The following CAST variants were observed in gnomAD, a reference collection of about 807,000 sequenced individuals.
CAST encodes the protein calpastatin.
CAST carries 76 observed loss-of-function variants against 119.6 expected under a neutral mutation model. The observed-to-expected ratio is 0.64, with a 90% CI of 0.53 to 0.77. The LOEUF (loss-of-function observed/expected upper bound fraction) is 0.77. Ranked by LOEUF, CAST falls within the 30% of genes least tolerant of loss-of-function variation. The pLI, the probability that CAST is intolerant of heterozygous loss-of-function variation, is 0.00. For synonymous variants in CAST, 319 were observed against 331.6 expected (o/e 0.96, Z 0.41); for missense variants, 953 against 946.5 (o/e 1.01, Z -0.09).
At chr5:96,089,928 C>A in the CAST span, among the ~76,000 whole-genome samples, 1 of 152,178 alleles carries the variant, frequency 6.6e-6, no homozygotes, top group Admixed American at 6.5e-5. Flanking sequence ...AAAGGATATT[C>A]TCTGACTGGG....
chr5:96,720,263 G>A (rs552047466), intron 3 of CAST, among the ~76,000 whole-genome samples: 1 of 152,096 alleles, frequency 6.6e-6, no homozygotes, highest in Non-Finnish European at 1.5e-5. Flanking sequence ...TATCACTAAG[G>A]TGCTTTCTCT....
intron 29 of CAST, chr5:96,770,159 C>T (rs558456011): frequency 2.3e-5 from 5 of 218,726 alleles, no homozygotes; most frequent in Non-Finnish European, 3.8e-5. Context: ...TCCATCATAG[C>T]CCATACCAAT....
chr5:96,600,132 G>GA (rs886282153), intron 1 of CAST, among the ~76,000 whole-genome samples: 2 of 152,118 alleles, frequency 1.3e-5, no homozygotes, highest in African/African-American at 4.8e-5. Context: ...TTGTGTCTAA[G>GA]AAAAAAAGGT....
chr5:96,536,031 GTTTTTTTTTTTTTT>G (rs533558053), intron 1 of CAST, among the ~76,000 whole-genome samples: 1 of 103,856 alleles, frequency 9.6e-6, no homozygotes, highest in Non-Finnish European at 1.8e-5. Flanking sequence ...AATATTTAAG[GTTTTTTTTTTTTTT>G]TTTTTTTTTT....
upstream of CAST, among the ~76,000 whole-genome samples, chr5:96,661,837 A>T (rs141513591): frequency 5.4e-5 from 8 of 149,236 alleles, no homozygotes; most frequent in East Asian, 1.6e-3. Flanking sequence ...AATCATATAA[A>T]ACATACACAG....
chr5:96,011,335 C>T, the CAST span, among the ~76,000 whole-genome samples: 1 of 152,042 alleles, frequency 6.6e-6, no homozygotes, highest in African/African-American at 2.4e-5. Context: ...AATCAAAATC[C>T]AGAAAGCTCT....
At chr5:96,645,881 T>A (rs1207222524) in intron 1 of CAST, among the ~76,000 whole-genome samples, 1 of 151,218 alleles carries the variant, frequency 6.6e-6, no homozygotes, top group Non-Finnish European at 1.5e-5. Flanking sequence ...ATATGTATAA[T>A]ATTTTAAAAT....
chr5:96,753,299 C>T (rs114230809), intron 20 of CAST, among the ~76,000 whole-genome samples: 8,687 of 152,184 alleles, frequency 0.057, 340 homozygotes, highest in South Asian at 0.12. Context: ...TGTGCCTGGT[C>T]CTGTTCTCTT....
intron 1 of CAST, among the ~76,000 whole-genome samples, chr5:96,614,849 A>C (rs1472845424): frequency 6.6e-6 from 1 of 152,204 alleles, no homozygotes; most frequent in Non-Finnish European, 1.5e-5. Context: ...TGTCACTAAG[A>C]AGGCTAATGA....
At chr5:96,169,699 CA>C in the CAST span, among the ~76,000 whole-genome samples, 1 of 151,814 alleles carries the variant, frequency 6.6e-6, no homozygotes. Flanking sequence ...GATCGGTCAC[CA>C]AGGAGGGAAT....
At chr5:96,669,362 A>C (rs1346548942) in intron 1 of CAST, among the ~76,000 whole-genome samples, 2 of 152,134 alleles carry the variant, frequency 1.3e-5, no homozygotes, top group Non-Finnish European at 2.9e-5. Context: ...TCTTTTGTCT[A>C]GTTTACTGAT....
the CAST span, among the ~76,000 whole-genome samples, chr5:96,488,384 T>C: frequency 6.6e-6 from 1 of 152,226 alleles, no homozygotes; most frequent in Admixed American, 6.5e-5. Context: ...AAACCCTAAG[T>C]ATTTGCAAAA....
chr5:96,339,003 T>G, the CAST span, among the ~76,000 whole-genome samples: 17 of 152,260 alleles, frequency 1.1e-4, no homozygotes, highest in East Asian at 3.3e-3. Context: ...GCAACAGAAC[T>G]TGGATTTGAC....
the CAST span, among the ~76,000 whole-genome samples, chr5:96,061,055 C>T: frequency 5.3e-5 from 8 of 152,102 alleles, no homozygotes; most frequent in South Asian, 2.1e-4. Flanking sequence ...AAGACCCAAC[C>T]GTTAGGACTC....
At chr5:96,310,573 T>TA in the CAST span, among the ~76,000 whole-genome samples, 11 of 141,372 alleles carry the variant, frequency 7.8e-5, no homozygotes, top group East Asian at 4.3e-4. Flanking sequence ...TTTTTTTTTT[T>TA]TAAATGGGAG....
chr5:96,357,367 T>G, the CAST span, among the ~76,000 whole-genome samples: 2 of 152,210 alleles, frequency 1.3e-5, no homozygotes, highest in Non-Finnish European at 2.9e-5. Flanking sequence ...TCCAATACTA[T>G]GTTTAATAGA....
At chr5:96,109,846 C>T in the CAST span, among the ~76,000 whole-genome samples, 1 of 151,610 alleles carries the variant, frequency 6.6e-6, no homozygotes, top group African/African-American at 2.4e-5. Context: ...TATAAACTAA[C>T]GTCTTAATAT....
At chr5:96,313,301 A>G in the CAST span, among the ~76,000 whole-genome samples, 2 of 152,172 alleles carry the variant, frequency 1.3e-5, no homozygotes, top group African/African-American at 2.4e-5. Context: ...ATCAAGATAT[A>G]GATTTATTTC....
At chr5:95,961,690 T>G in the CAST span, 2 of 1,604,514 alleles carry the variant, frequency 1.2e-6, no homozygotes, top group Non-Finnish European at 1.7e-6. Context: ...GCGCTGCTCC[T>G]CCCGCAGGCC....
Sources: allele counts gnomAD v4.1 joint callset (sites outside exome capture counted in the v4.1 genomes callset), GRCh38; gene constraint gnomAD v4.1.1; transcripts MANE v1.5; gene names NCBI Gene and HGNC (gene_info 2026-07-23, HGNC 2026-07-21).